MYH15: variants seen among roughly 807,000 people sequenced by gnomAD.
MYH15 encodes myosin heavy chain 15.
In MYH15, 227 loss-of-function variants were observed where a neutral mutation model predicts 240.5. The observed-to-expected ratio is 0.94, with a 90% CI of 0.85 to 1.05. MYH15 has a LOEUF of 1.05. MYH15 is among the 50% of genes least tolerant of loss of function. The pLI is 0.00. For synonymous variants in MYH15, 785 were observed against 796.7 expected, an observed-to-expected ratio of 0.99 and a Z score of 0.25; for missense variants, 2,217 against 2,247.5, an observed-to-expected ratio of 0.99 and a Z score of 0.27.
In MYH15 at chr3:108,389,031, C is replaced by G. The variant is rs1378191227; in HGVS notation, c.5474G>C (p.Ser1825Thr). ...EGELEGEIRR[S>T]AEAQRGARRL... ...GCGGGCTCCCCTCTGGGCCTCTGCA[C>G]TGCGACGGATTTCACCCTCCAGTTC... is the stretch of plus-strand genomic sequence containing the variant. The change falls in exon 38 of 41, where the codon AGT (serine) becomes ACT (threonine). Residue 1825 changes from serine (S) to threonine (T), a missense_variant. Ser to Thr is a moderately conservative substitution (Grantham distance 58). Coordinates refer to ENST00000693548, the MANE Select transcript of MYH15 (RefSeq NM_014981.3). 22 of 1,613,832 alleles carry G rather than the reference C, an allele frequency of 1.4e-5. No individual in the cohort carries two copies. The highest frequency in any genetic ancestry group is 1.7e-5 in the Non-Finnish European group (20 of 1,179,902).
At chr3:108,498,873 C>T (rs1289102782) in intron 5 of MYH15, among the ~76,000 whole-genome samples, 2 of 152,234 alleles carry the variant, frequency 1.3e-5, no homozygotes, top group African/African-American at 4.8e-5. Flanking sequence ...CACTTCACAG[C>T]CCCTTGAGTC....
upstream of MYH15, among the ~76,000 whole-genome samples, chr3:108,533,141 G>A (rs1234560090): frequency 1.5e-5 from 1 of 64,720 alleles, no homozygotes; most frequent in Non-Finnish European, 3.1e-5. Context: ...TTTTTTTCAT[G>A]AGTATTGAGC....
At chr3:108,382,134 T>G (rs937162350) in intron 40 of MYH15, among the ~76,000 whole-genome samples, 5 of 152,158 alleles carry the variant, frequency 3.3e-5, no homozygotes, top group African/African-American at 1.2e-4. Context: ...TTGCAGCACA[T>G]GGGAAGCACC....
intron 21 of MYH15, among the ~76,000 whole-genome samples, chr3:108,446,044 A>G (rs1213349143): frequency 3.3e-5 from 5 of 152,072 alleles, no homozygotes; most frequent in Admixed American, 6.5e-5. Flanking sequence ...GCCAGTCCAG[A>G]CATGCAGCCC....
chr3:108,508,520 T>G (rs902152474), intron 1 of MYH15, among the ~76,000 whole-genome samples: 2 of 152,216 alleles, frequency 1.3e-5, no homozygotes, highest in African/African-American at 2.4e-5. Flanking sequence ...TAGGCCTTTT[T>G]CTATATGATT....
chr3:108,484,352 T>TA (rs1203975399), intron 11 of MYH15, among the ~76,000 whole-genome samples: 1 of 152,122 alleles, frequency 6.6e-6, no homozygotes, highest in African/African-American at 2.4e-5. Context: ...CAAGGAGAAA[T>TA]AAAGCCTCCT....
intron 18 of MYH15, 56 bp downstream of exon 18, chr3:108,459,306 A>C: frequency 2.8e-6 from 3 of 1,087,572 alleles, no homozygotes; most frequent in Non-Finnish European, 4.1e-6. Flanking sequence ...GATATTCAAT[A>C]TAGCTAATAT....
chr3:108,511,134 C>T (rs566570436), upstream of MYH15, among the ~76,000 whole-genome samples: 6 of 151,862 alleles, frequency 4.0e-5, no homozygotes, highest in South Asian at 2.1e-4. Flanking sequence ...AGGGGGGTTT[C>T]GAGGTATCTA....
At chr3:108,488,244 T>A (rs1461134392) in intron 9 of MYH15, among the ~76,000 whole-genome samples, 4 of 152,208 alleles carry the variant, frequency 2.6e-5, no homozygotes, top group Non-Finnish European at 5.9e-5. Context: ...CCCTGCCTTA[T>A]TTCATTTAGC....
At chr3:108,421,532 C>T (rs573021852) in intron 27 of MYH15, among the ~76,000 whole-genome samples, 103 of 152,308 alleles carry the variant, frequency 6.8e-4, no homozygotes, top group African/African-American at 2.4e-3. Context: ...GATACATGAT[C>T]CTTTTCTGAC....
chr3:108,408,026 G>A (rs1030069290), intron 32 of MYH15, among the ~76,000 whole-genome samples: 3 of 152,184 alleles, frequency 2.0e-5, no homozygotes, highest in Non-Finnish European at 4.4e-5. Context: ...GATAGTTCCT[G>A]TTTTTACTAC....
chr3:108,529,386 G>A, upstream of MYH15: 1 of 753,026 alleles, frequency 1.3e-6, no homozygotes, highest in Non-Finnish European at 2.2e-6. Context: ...TGACAGCATG[G>A]GAAATCTGTG....
chr3:108,383,595 CT>C lies in MYH15; in HGVS notation c.5765del (p.Lys1922ArgfsTer75). The C allele has an allele frequency of 1.2e-6, 2 of 1,612,358 alleles. No individual in the cohort carries two copies. Among genetic ancestry groups the C allele is most frequent in the Non-Finnish European group, 8.5e-7 (1 of 1,179,206 alleles). ...GAACAGAGTTGAATATCTGCCATAC[CT>C]TTTTCCCAAACTCTCTTGCTTTAAT... ...LKIKAREFGK[K>X]VQEE On this transcript the variant is annotated frameshift_variant and splice_region_variant, in exon 40 of 41. Transcript: ENST00000693548. LOFTEE classifies it high-confidence loss of function.
intron 35 of MYH15, among the ~76,000 whole-genome samples, chr3:108,396,347 G>C (rs908802695): frequency 1.5e-5 from 2 of 129,098 alleles, no homozygotes; most frequent in Non-Finnish European, 3.4e-5. Flanking sequence ...AGCAGGGTTG[G>C]GGGGAGACGG....
At chr3:108,404,722 G>T (rs1460469741) in intron 33 of MYH15, among the ~76,000 whole-genome samples, 1 of 152,206 alleles carries the variant, frequency 6.6e-6, no homozygotes, top group Non-Finnish European at 1.5e-5. Flanking sequence ...TCAATAAGCA[G>T]CTTAGCTCTT....
chr3:108,456,711 G>A lies in MYH15; in HGVS notation c.2138+55C>T, dbSNP rs528442447. On this transcript the variant is annotated intron_variant, in intron 19 of 40. Transcript: ENST00000693548. ...ATGCATGCCTAAACACTCGGAAAGG[G>A]AGGAAAACAGAATGAACTGCCTCAG... 43 of 1,282,326 alleles carry A rather than the reference G, an allele frequency of 3.4e-5. 1 individual carries two copies. Among genetic ancestry groups the A allele is most frequent in the Admixed American group, 8.5e-5 (5 of 58,978 alleles). The allele number at this position is 1,282,326 out of a possible 1,614,324, so 79.4% of individuals were successfully genotyped here.
At chr3:108,518,191 T>C (rs2107263649) in intron 1 of MYH15, among the ~76,000 whole-genome samples, 1 of 152,368 alleles carries the variant, frequency 6.6e-6, no homozygotes, top group East Asian at 1.9e-4. Context: ...GAAGGATATA[T>C]GTAATAACCT....
At chr3:108,510,219 C>G (rs938835438) in intron 1 of MYH15, among the ~76,000 whole-genome samples, 2 of 152,036 alleles carry the variant, frequency 1.3e-5, no homozygotes, top group African/African-American at 4.8e-5. Flanking sequence ...GTGTAGGGCC[C>G]GGGCCTAGAC....
intron 27 of MYH15, among the ~76,000 whole-genome samples, chr3:108,422,928 CTGTT>C (rs2082694714): frequency 6.6e-6 from 1 of 152,312 alleles, no homozygotes; most frequent in African/African-American, 2.4e-5. Context: ...AACCTACGCT[CTGTT>C]TAAGATTGCT....
Sources: allele counts gnomAD v4.1 joint callset (sites outside exome capture counted in the v4.1 genomes callset), GRCh38; gene constraint gnomAD v4.1.1; transcripts MANE v1.5; gene names NCBI Gene and HGNC (gene_info 2026-07-23, HGNC 2026-07-21).